The following ARHGAP10 variants were observed in gnomAD, a reference collection of about 807,000 sequenced individuals.
The protein encoded by ARHGAP10 is Rho GTPase activating protein 10, also known as rho GTPase-activating protein 10.
Under a neutral mutation model 108.6 loss-of-function variants are expected in ARHGAP10, and 87 were observed. That is an observed-to-expected ratio of 0.80 (90% confidence interval 0.67 to 0.96). The LOEUF (loss-of-function observed/expected upper bound fraction) is 0.96. Ranked by LOEUF, ARHGAP10 falls within the 40% of genes least tolerant of loss-of-function variation. ARHGAP10 has a pLI of 0.00. For synonymous variants in ARHGAP10, 347 were observed against 341.1 expected, an observed-to-expected ratio of 1.02 and a Z score of -0.19; for missense variants, 939 against 954.5, an observed-to-expected ratio of 0.98 and a Z score of 0.21.
chr4:147,786,738 T>C lies in ARHGAP10; in HGVS notation c.155-35989T>C, dbSNP rs139778776. 6.1e-3 allele frequency among the ~76,000 whole-genome samples: 934 copies of C among 152,360 alleles called. 6 individuals carry two copies. Among genetic ancestry groups the C allele is most frequent in the Middle Eastern group, 0.034 (10 of 294 alleles). On this transcript the variant is annotated intron_variant, in intron 1 of 22. Coordinates refer to ENST00000336498, the MANE Select transcript of ARHGAP10 (RefSeq NM_024605.4). ...GGAATTTATTCAACAGTGATTACTA[T>C]CTTGAACCTGTAAGACCTGTTAAAG...
intron 3 of ARHGAP10, among the ~76,000 whole-genome samples, chr4:147,844,597 G>T (rs991453018): frequency 3.3e-5 from 5 of 152,142 alleles, no homozygotes; most frequent in African/African-American, 7.2e-5. Flanking sequence ...GTCTGTCTGT[G>T]CCTGGCAATA....
intron 18 of ARHGAP10, among the ~76,000 whole-genome samples, chr4:148,002,691 T>G (rs1380721087): frequency 6.6e-6 from 1 of 152,238 alleles, no homozygotes; most frequent in African/African-American, 2.4e-5. Flanking sequence ...ATTTTCTAGT[T>G]TATTTGCGTA....
At chr4:147,906,826 C>A in intron 11 of ARHGAP10, 107 bp downstream of exon 11, 2 of 1,303,856 alleles carry the variant, frequency 1.5e-6, no homozygotes, top group Non-Finnish European at 2.2e-6. Flanking sequence ...CCTTCTATAA[C>A]AGGTATTCCA....
intron 3 of ARHGAP10, among the ~76,000 whole-genome samples, chr4:147,844,527 C>T (rs1483731496): frequency 6.6e-6 from 1 of 152,192 alleles, no homozygotes; most frequent in Admixed American, 6.5e-5. Context: ...CTCTCTATCT[C>T]CATGAGTTCA....
chr4:147,807,397 A>G (rs1057306296), intron 1 of ARHGAP10, among the ~76,000 whole-genome samples: 1 of 152,200 alleles, frequency 6.6e-6, no homozygotes, highest in Non-Finnish European at 1.5e-5. Context: ...TCAAAAGGTG[A>G]TACAAGAAGA....
At chr4:148,044,288 C>A (rs1431255181) in intron 19 of ARHGAP10, among the ~76,000 whole-genome samples, 4 of 152,092 alleles carry the variant, frequency 2.6e-5, no homozygotes, top group Non-Finnish European at 5.9e-5. Context: ...TAACATTAAA[C>A]CCCTGGTCTC....
At chr4:147,763,372 C>T (rs532373805) in intron 1 of ARHGAP10, among the ~76,000 whole-genome samples, 125 of 148,044 alleles carry the variant, frequency 8.4e-4, no homozygotes, top group African/African-American at 3.0e-3. Context: ...AGTGCAGTGG[C>T]GCAATCTCAG....
chr4:147,881,696 A>G (rs1041776668), intron 9 of ARHGAP10, 142 bp from the exon 10 acceptor site: 12 of 589,798 alleles, frequency 2.0e-5, no homozygotes, highest in Non-Finnish European at 3.2e-5. Flanking sequence ...TAGCATTTAA[A>G]TAAGCCAGTT....
chr4:148,061,615 T>G (rs529707273), intron 20 of ARHGAP10, among the ~76,000 whole-genome samples: 190 of 34,802 alleles, frequency 5.5e-3, no homozygotes, highest in African/African-American at 0.01. Flanking sequence ...AGAATAATGT[T>G]TTTTTTTTTT....
chr4:148,033,349 T>C (rs1457123526), intron 19 of ARHGAP10, among the ~76,000 whole-genome samples: 1 of 152,200 alleles, frequency 6.6e-6, no homozygotes. Flanking sequence ...ATGATAAAGA[T>C]TTGTCCATAG....
chr4:148,051,932 T>G (rs867450051), intron 20 of ARHGAP10, among the ~76,000 whole-genome samples: 18 of 151,150 alleles, frequency 1.2e-4, no homozygotes, highest in African/African-American at 4.4e-4. Context: ...GAATGGGGGG[T>G]TTCTCAGAGA....
intron 18 of ARHGAP10, among the ~76,000 whole-genome samples, chr4:148,005,952 A>G (rs1740929904): frequency 6.6e-6 from 1 of 152,226 alleles, no homozygotes; most frequent in Non-Finnish European, 1.5e-5. Flanking sequence ...CTCTTAGTGC[A>G]GATTAAAAGT....
rs188227135 is a variant in ARHGAP10 at position 148,002,396 on chromosome 4, A to T, written c.1717-20867A>T. On this transcript the variant is annotated intron_variant, in intron 18 of 22. Coordinates refer to ENST00000336498, the MANE Select transcript of ARHGAP10 (RefSeq NM_024605.4). Reference sequence around the variant, plus strand: ...TCTCTTTTTTTGTTGTCTCTCTGCCAGGCTTTGGTATCAAGATGATGCTGG... The same window carrying T: ...TCTCTTTTTTTGTTGTCTCTCTGCCTGGCTTTGGTATCAAGATGATGCTGG... 1.7e-3 allele frequency among the ~76,000 whole-genome samples: 262 copies of T among 152,304 alleles called. 1 individual carries two copies. The highest frequency in any genetic ancestry group is 6.0e-3 in the African/African-American group (251 of 41,574).
At chr4:147,886,972 A>G (rs1735594467) in intron 10 of ARHGAP10, among the ~76,000 whole-genome samples, 1 of 151,466 alleles carries the variant, frequency 6.6e-6, no homozygotes, top group Admixed American at 6.6e-5. Flanking sequence ...TTTCAGTTTC[A>G]CCTTGAACTC....
At chr4:147,827,420 T>C (rs145197104) in intron 3 of ARHGAP10, among the ~76,000 whole-genome samples, 1 of 152,234 alleles carries the variant, frequency 6.6e-6, no homozygotes, top group Non-Finnish European at 1.5e-5. Context: ...ATATACAAAG[T>C]GCGCCAGCAA....
intron 10 of ARHGAP10, among the ~76,000 whole-genome samples, chr4:147,899,332 T>C (rs893032): frequency 0.022 from 3,406 of 151,990 alleles, 86 homozygotes; most frequent in African/African-American, 0.063. Context: ...TGCATGCGTG[T>C]GTGTGTGTGT....
chr4:147,964,874 C>T, intron 16 of ARHGAP10, 150 bp from the exon 17 acceptor site: 1 of 522,782 alleles, frequency 1.9e-6, no homozygotes, highest in Non-Finnish European at 3.1e-6. Flanking sequence ...TTAACGGTGG[C>T]AAAATATGTT....
intron 3 of ARHGAP10, among the ~76,000 whole-genome samples, chr4:147,843,592 T>A (rs1210055274): frequency 6.6e-6 from 1 of 152,186 alleles, no homozygotes; most frequent in Non-Finnish European, 1.5e-5. Context: ...AGTGGCACGA[T>A]CTCAGCTCAC....
chr4:147,734,230 T>G lies in ARHGAP10; in HGVS notation c.154+1775T>G, dbSNP rs79325966. ...CAGAGGGCAAAGCCAGTTTGGCCACTGGTAGAAAGCTATTTCTGTGACAGC... is the reference window on the plus strand; with the variant it reads ...CAGAGGGCAAAGCCAGTTTGGCCACGGGTAGAAAGCTATTTCTGTGACAGC... On this transcript the variant is annotated intron_variant, in intron 1 of 22. Coordinates refer to ENST00000336498, the MANE Select transcript of ARHGAP10 (RefSeq NM_024605.4). Among the ~76,000 whole-genome samples the G allele has an allele frequency of 3.9e-4, 60 of 152,274 alleles. 1 individual carries two copies. In the East Asian group the frequency reaches 0.011, roughly 27 times the overall value.
Sources: allele counts gnomAD v4.1 joint callset (sites outside exome capture counted in the v4.1 genomes callset), GRCh38; gene constraint gnomAD v4.1.1; transcripts MANE v1.5; gene names NCBI Gene and HGNC (gene_info 2026-07-23, HGNC 2026-07-21).